The following TANGO6 variants were observed in gnomAD, a reference collection of about 807,000 sequenced individuals.
TANGO6 encodes the protein transport and golgi organization 6 homolog, also known as transport and Golgi organization protein 6 homolog.
In TANGO6, 90 loss-of-function variants were observed where a neutral mutation model predicts 114.2. The ratio of observed to expected loss-of-function variants is 0.79; its 90% CI spans 0.66 to 0.94. The LOEUF is 0.94. Among genes scored for constraint, TANGO6 ranks in the 40% least tolerant of loss-of-function variants. The pLI, the probability that TANGO6 is intolerant of heterozygous loss-of-function variation, is 0.00. For missense variants in TANGO6, 1,274 were observed against 1,315.3 expected (o/e 0.97, Z 0.49); for synonymous variants, 477 against 509.8 (o/e 0.94, Z 0.87).
chr16:68,911,606 G>A (rs1043420497), intron 11 of TANGO6, among the ~76,000 whole-genome samples: 14 of 151,954 alleles, frequency 9.2e-5, no homozygotes, highest in African/African-American at 3.1e-4. Context: ...TAGTAGAGAC[G>A]GGGTTTCGCC....
Position 69,040,215 on chromosome 16 carries a change from G to T in TANGO6, c.2995-93G>T, listed in dbSNP as rs564227672. 4.6e-6 allele frequency: 5 copies of T among 1,086,962 alleles called. No individual in the cohort carries two copies. The South Asian group carries it at 7.3e-5, about 16-fold the overall frequency. The allele number at this position is 1,086,962 out of a possible 1,614,324, so 67.3% of individuals were successfully genotyped here. On this transcript the variant is annotated intron_variant, in intron 16 of 17. Transcript: ENST00000261778. ...GCCCTCTCTAAGCCAGATTGCTCTT[G>T]ATGAATGTGTAGTAAGTGGAACACA...
chr16:69,022,758 A>G (rs1216519724), intron 15 of TANGO6, 70 bp from the exon 16 acceptor site: 10 of 1,484,072 alleles, frequency 6.7e-6, no homozygotes, highest in Non-Finnish European at 9.1e-6. Flanking sequence ...CTATGGAAAT[A>G]TAATTCTTCC....
chr16:68,980,435 A>ATATATT (rs1317961639), intron 15 of TANGO6, among the ~76,000 whole-genome samples: 26 of 61,770 alleles, frequency 4.2e-4, no homozygotes, highest in South Asian at 1.1e-3. Context: ...ATATATATAT[A>ATATATT]TTTTTTTTTT....
At chr16:69,081,221 G>A (rs16958613) in intron 17 of TANGO6, among the ~76,000 whole-genome samples, 40,770 of 151,872 alleles carry the variant, frequency 0.27, 6,286 homozygotes, top group African/African-American at 0.43. Flanking sequence ...ACCTAAAATA[G>A]TACCTGACCC....
chr16:68,993,648 G>T (rs1278679542), intron 15 of TANGO6, among the ~76,000 whole-genome samples: 2 of 152,160 alleles, frequency 1.3e-5, no homozygotes, highest in Non-Finnish European at 2.9e-5. Flanking sequence ...TTCCTGATTT[G>T]TGTTTGTCAA....
chr16:68,897,122 C>T (rs76154073), intron 7 of TANGO6, among the ~76,000 whole-genome samples: 1 of 152,014 alleles, frequency 6.6e-6, no homozygotes, highest in African/African-American at 2.4e-5. Flanking sequence ...AGGCTGGTCT[C>T]GAACTCCTGA....
In TANGO6 at chr16:68,974,028, G is replaced by T; in HGVS notation, c.2702G>T (p.Gly901Val). Residue 901 changes from glycine to valine, a missense_variant and splice_region_variant, in exon 15 of 18, where the codon GGG (glycine) becomes GTG (valine). Coordinates refer to ENST00000261778, the MANE Select transcript of TANGO6 (RefSeq NM_024562.2). ...DTFVYLSAIQ[G>V]VALLSDVYPE... The stretch of plus-strand genomic sequence containing the variant: ...CCTTTCTTTTTGTTTTCAACCCCAG[G>T]GGTTGCCCTGCTGTCAGACGTCTAT... 1 of 1,603,950 alleles carries T rather than the reference G, an allele frequency of 6.2e-7. No homozygotes were observed. Among genetic ancestry groups the T allele is most frequent in the South Asian group, 1.1e-5 (1 of 89,434 alleles).
At chr16:68,916,777 T>G (rs1963011807) in intron 11 of TANGO6, among the ~76,000 whole-genome samples, 1 of 152,046 alleles carries the variant, frequency 6.6e-6, no homozygotes, top group South Asian at 2.1e-4. Flanking sequence ...AGTTTTAGAT[T>G]CACAACAAAA....
chr16:68,983,649 C>T (rs1452903137), intron 15 of TANGO6, among the ~76,000 whole-genome samples: 4 of 152,160 alleles, frequency 2.6e-5, no homozygotes, highest in Non-Finnish European at 4.4e-5. Context: ...TTTTTCTTCT[C>T]CAAACCCTGC....
At chr16:68,901,690 T>C (rs917870428) in intron 8 of TANGO6, among the ~76,000 whole-genome samples, 1 of 152,152 alleles carries the variant, frequency 6.6e-6, no homozygotes, top group African/African-American at 2.4e-5. Context: ...TGTTTCACCA[T>C]GTGGCCAGCC....
At chr16:69,066,152 C>T (rs975652222) in intron 17 of TANGO6, among the ~76,000 whole-genome samples, 6 of 152,128 alleles carry the variant, frequency 3.9e-5, no homozygotes, top group Admixed American at 6.6e-5. Flanking sequence ...TTCATTTCCC[C>T]GCATCTACGC....
intron 15 of TANGO6, among the ~76,000 whole-genome samples, chr16:68,980,650 G>A (rs915035866): frequency 2.6e-5 from 4 of 151,268 alleles, no homozygotes; most frequent in Non-Finnish European, 5.9e-5. Flanking sequence ...GGAACTTTAG[G>A]TGCGTGCCAC....
intron 12 of TANGO6, among the ~76,000 whole-genome samples, 172 bp downstream of exon 12, chr16:68,919,391 G>T (rs1245526091): frequency 1.3e-5 from 2 of 152,202 alleles, no homozygotes; most frequent in African/African-American, 4.8e-5. Context: ...GAACAAGAAA[G>T]TTGCACCATT....
At chr16:68,974,962 G>A (rs1205384843) in intron 15 of TANGO6, among the ~76,000 whole-genome samples, 1 of 151,818 alleles carries the variant, frequency 6.6e-6, no homozygotes, top group Non-Finnish European at 1.5e-5. Context: ...GGAGGCTGAG[G>A]TGGGAGGATC....
chr16:68,979,879 C>T (rs1963806957), intron 15 of TANGO6, among the ~76,000 whole-genome samples: 1 of 146,302 alleles, frequency 6.8e-6, no homozygotes, highest in Admixed American at 6.9e-5. Flanking sequence ...GAGTCTCGCT[C>T]TGTCACCCAG....
intron 15 of TANGO6, among the ~76,000 whole-genome samples, chr16:68,981,378 TTTTTGTA>T (rs1963835073): frequency 6.6e-6 from 1 of 151,968 alleles, no homozygotes; most frequent in African/African-American, 2.4e-5. Flanking sequence ...ACCTGGCTAA[TTTTTGTA>T]TTTTTAGTAG....
intron 17 of TANGO6, among the ~76,000 whole-genome samples, chr16:69,050,404 C>G (rs1030349232): frequency 6.6e-6 from 1 of 151,904 alleles, no homozygotes; most frequent in Non-Finnish European, 1.5e-5. Flanking sequence ...TGGTGTGGCA[C>G]GATCATGGCT....
At chr16:68,988,646 T>A (rs899821060) in intron 15 of TANGO6, among the ~76,000 whole-genome samples, 4 of 152,112 alleles carry the variant, frequency 2.6e-5, no homozygotes, top group Non-Finnish European at 4.4e-5. Context: ...ATTTTTCAAT[T>A]TAATTTTTGT....
intron 7 of TANGO6, among the ~76,000 whole-genome samples, chr16:68,897,079 T>A (rs1488292455): frequency 6.6e-6 from 1 of 152,018 alleles, no homozygotes; most frequent in Non-Finnish European, 1.5e-5. Flanking sequence ...AACTTTTGTA[T>A]TTTTAGTAGA....
Sources: gnomAD v4.1 joint callset for allele counts (sites outside exome capture counted in the v4.1 genomes callset) on GRCh38, gnomAD v4.1.1 for gene constraint, MANE v1.5 for transcripts, NCBI Gene and HGNC (gene_info 2026-07-23, HGNC 2026-07-21) for gene names.